Variants in CTNND2 observed in about 807,000 individuals in gnomAD.
CTNND2 encodes catenin delta 2.
CTNND2 carries 22 observed loss-of-function variants against 144.4 expected under a neutral mutation model. The observed-to-expected ratio is 0.15, with a 90% CI of 0.11 to 0.22. CTNND2 has a LOEUF of 0.22. CTNND2 is among the 10% of genes least tolerant of loss of function. The probability of loss-of-function intolerance (pLI) is 1.00; values close to 1 mark genes in which losing one functional copy is unlikely to be tolerated. For synonymous variants in CTNND2, 751 were observed against 695.6 expected (o/e 1.08, Z -1.25); for missense variants, 1,353 against 1,618.8 (o/e 0.84, Z 2.82).
intron 2 of CTNND2, among the ~76,000 whole-genome samples, chr5:11,714,234 G>A (rs1786212641): frequency 6.6e-6 from 1 of 152,196 alleles, no homozygotes; most frequent in African/African-American, 2.4e-5. Context: ...ACTGACTGGA[G>A]TCGGCCTTCC....
chr5:11,049,491 C>T (rs1745612254), intron 16 of CTNND2, among the ~76,000 whole-genome samples: 1 of 152,188 alleles, frequency 6.6e-6, no homozygotes, highest in African/African-American at 2.4e-5. Flanking sequence ...AAATGTAAGG[C>T]TTGCCAAATG....
chr5:11,435,421 C>A (rs922477157), intron 3 of CTNND2, among the ~76,000 whole-genome samples: 2 of 152,074 alleles, frequency 1.3e-5, no homozygotes, highest in African/African-American at 4.8e-5. Context: ...GGATTACAAG[C>A]CTGAGCCACC....
At chr5:11,089,437 A>T (rs780668048) in intron 15 of CTNND2, among the ~76,000 whole-genome samples, 19 of 152,222 alleles carry the variant, frequency 1.2e-4, no homozygotes, top group Non-Finnish European at 2.8e-4. Context: ...TGGATTTTGT[A>T]GACACTTTGT....
chr5:11,141,760 T>G (rs1169019623), intron 12 of CTNND2, among the ~76,000 whole-genome samples: 1 of 152,240 alleles, frequency 6.6e-6, no homozygotes, highest in Non-Finnish European at 1.5e-5. Flanking sequence ...AATTTTGGTC[T>G]GCAGATGAAT....
intron 12 of CTNND2, among the ~76,000 whole-genome samples, chr5:11,124,815 G>T (rs917966833): frequency 6.6e-6 from 1 of 152,120 alleles, no homozygotes; most frequent in African/African-American, 2.4e-5. Flanking sequence ...GTTATGCATG[G>T]TTTTTTGTTT....
chr5:11,177,563 T>C (rs957708465), intron 11 of CTNND2, among the ~76,000 whole-genome samples: 1 of 152,054 alleles, frequency 6.6e-6, no homozygotes, highest in African/African-American at 2.4e-5. Flanking sequence ...TATTATAAGT[T>C]ATTAAGAGAA....
intron 1 of CTNND2, among the ~76,000 whole-genome samples, chr5:11,743,493 T>C (rs1788135179): frequency 6.6e-6 from 1 of 152,192 alleles, no homozygotes; most frequent in Non-Finnish European, 1.5e-5. Context: ...CAGAACCTGA[T>C]ACTTGCAACC....
rs31944 is a variant in CTNND2 at position 11,463,375 on chromosome 5, C to G, written c.288-51306G>C. ...AGTGCTTTGGATTTTTGTACAATAACTTCCTTATTTTTAGTTTGTGTTTGT... is the reference window on the plus strand; with the variant it reads ...AGTGCTTTGGATTTTTGTACAATAAGTTCCTTATTTTTAGTTTGTGTTTGT... On this transcript the variant is annotated intron_variant, in intron 3 of 21. Coordinates refer to ENST00000304623, the MANE Select transcript of CTNND2 (RefSeq NM_001332.4). 2.0e-5 allele frequency among the ~76,000 whole-genome samples: 3 copies of G among 152,094 alleles called. No homozygotes were observed. In the South Asian group the frequency reaches 6.2e-4, roughly 32 times the overall value.
At chr5:11,369,807 C>G (rs1174003774) in intron 7 of CTNND2, among the ~76,000 whole-genome samples, 3 of 152,152 alleles carry the variant, frequency 2.0e-5, no homozygotes, top group Admixed American at 2.0e-4. Flanking sequence ...TCTTTCTGAG[C>G]ACCTGACATT....
chr5:11,716,482 T>C (rs1458436138), intron 2 of CTNND2, among the ~76,000 whole-genome samples: 9 of 152,304 alleles, frequency 5.9e-5, no homozygotes, highest in African/African-American at 1.7e-4. Context: ...TGAGGTATTA[T>C]TGCAATTGAA....
At chr5:11,117,281 AG>A (rs2149694338) in intron 13 of CTNND2, among the ~76,000 whole-genome samples, 168 bp downstream of exon 13, 1 of 152,316 alleles carries the variant, frequency 6.6e-6, no homozygotes, top group East Asian at 1.9e-4. Context: ...GATCCATGCT[AG>A]AATTAGAAGC....
chr5:11,729,378 G>C (rs1787202014), intron 2 of CTNND2, among the ~76,000 whole-genome samples: 1 of 151,932 alleles, frequency 6.6e-6, no homozygotes, highest in Admixed American at 6.6e-5. Context: ...AGTTTGATTT[G>C]TTTCCTTCTA....
chr5:11,299,083 T>G (rs984085129), intron 9 of CTNND2, among the ~76,000 whole-genome samples: 7 of 152,210 alleles, frequency 4.6e-5, no homozygotes, highest in Non-Finnish European at 1.0e-4. Context: ...AGAACTATTT[T>G]ATTAGATAAT....
chr5:11,098,146 CT>C (rs1176316418), intron 15 of CTNND2, among the ~76,000 whole-genome samples: 1 of 151,936 alleles, frequency 6.6e-6, no homozygotes, highest in Non-Finnish European at 1.5e-5. Context: ...CTTTTCTTTT[CT>C]TTTCTTTTGG....
intron 15 of CTNND2, among the ~76,000 whole-genome samples, chr5:11,085,604 A>G (rs1437369966): frequency 6.6e-6 from 1 of 152,192 alleles, no homozygotes; most frequent in Admixed American, 6.5e-5. Flanking sequence ...GCAAACATGT[A>G]TTGTCTAAGG....
At chr5:11,393,255 A>ACTAT (rs1759789710) in intron 6 of CTNND2, among the ~76,000 whole-genome samples, 1 of 152,142 alleles carries the variant, frequency 6.6e-6, no homozygotes, top group African/African-American at 2.4e-5. Context: ...ATTTTAGAGA[A>ACTAT]CTATCATACA....
chr5:11,036,405 C>A (rs1744070777), intron 16 of CTNND2, among the ~76,000 whole-genome samples: 1 of 152,048 alleles, frequency 6.6e-6, no homozygotes, highest in East Asian at 1.9e-4. Flanking sequence ...AAATCTGCAC[C>A]CCCACAGTCA....
intron 2 of CTNND2, among the ~76,000 whole-genome samples, chr5:11,625,318 C>T (rs1352929345): frequency 6.6e-6 from 1 of 150,578 alleles, no homozygotes; most frequent in East Asian, 2.0e-4. Flanking sequence ...AAGAGGTCAA[C>T]CAATCTCATA....
In CTNND2 at chr5:11,729,654, A is replaced by G. The variant is rs144663405; in HGVS notation, c.174+2482T>C. Among the ~76,000 whole-genome samples, 765 of 152,332 alleles carry G rather than the reference A, an allele frequency of 5.0e-3. 3 individuals are homozygous for G. The highest frequency in any genetic ancestry group is 0.017 in the African/African-American group (717 of 41,584). On this transcript the variant is annotated intron_variant, in intron 2 of 21. Transcript: ENST00000304623. Reference sequence around the variant, plus strand: ...AATTTTATAATAAATTTCGACACACATAAAATCTTACCTATTTAGTCACTA... The same window carrying G: ...AATTTTATAATAAATTTCGACACACGTAAAATCTTACCTATTTAGTCACTA...
Sources: gnomAD v4.1 joint callset for allele counts (sites outside exome capture counted in the v4.1 genomes callset) on GRCh38, gnomAD v4.1.1 for gene constraint, MANE v1.5 for transcripts, NCBI Gene and HGNC (gene_info 2026-07-23, HGNC 2026-07-21) for gene names.